ZNF821: variants seen among roughly 807,000 people sequenced by gnomAD.
ZNF821 encodes the protein zinc finger protein 821.
Under a neutral mutation model 44.3 loss-of-function variants are expected in ZNF821, and 16 were observed. The observed-to-expected ratio is 0.36, with a 90% confidence interval of 0.24 to 0.55. ZNF821 has a LOEUF of 0.55. Among genes scored for constraint, ZNF821 ranks in the 20% least tolerant of loss-of-function variants. The pLI is 0.86. For synonymous variants in ZNF821, 204 were observed against 197.6 expected (o/e 1.03, Z -0.27); for missense variants, 436 against 547.6 (o/e 0.80, Z 2.03).
intron 3 of ZNF821, among the ~76,000 whole-genome samples, chr16:71,873,666 T>C (rs1225674645): frequency 2.0e-5 from 3 of 152,122 alleles, no homozygotes; most frequent in African/African-American, 4.8e-5. Flanking sequence ...TATATATATA[T>C]TTTTTGAGAT....
chr16:71,876,868 G>A (rs1267623561), intron 3 of ZNF821, among the ~76,000 whole-genome samples: 1 of 152,154 alleles, frequency 6.6e-6, no homozygotes, highest in East Asian at 1.9e-4. Flanking sequence ...GCCTCCCAAA[G>A]TGTTGGGATT....
At chr16:71,891,995 CA>C (rs58554253) in intron 1 of ZNF821, among the ~76,000 whole-genome samples, 495 of 21,154 alleles carry the variant, frequency 0.023, 5 homozygotes, top group East Asian at 0.075. Flanking sequence ...GACTCCGTCT[CA>C]AAAAAAAAAA....
rs951784555 is a variant in ZNF821 at position 71,884,076 on chromosome 16, G to C, written c.-309C>G. ...CTCCGGGCCGAGCCGAGCCGGTGGCGGGGAGCCGAGGGGCGGCGCTGCAGA... is the reference window on the plus strand; with the variant it reads ...CTCCGGGCCGAGCCGAGCCGGTGGCCGGGAGCCGAGGGGCGGCGCTGCAGA... On this transcript the variant is annotated 5_prime_UTR_variant, in exon 1 of 8. Coordinates refer to ENST00000425432, the MANE Select transcript of ZNF821 (RefSeq NM_001201552.2). 6.6e-6 allele frequency: 1 copy of C among 152,250 alleles called. No individual in the cohort carries two copies. Among genetic ancestry groups the C allele is most frequent in the African/African-American group, 2.4e-5 (1 of 41,526 alleles). The allele number at this position is 152,250 out of a possible 1,614,324, so 9.4% of individuals were successfully genotyped here.
chr16:71,891,622 C>T (rs1255866294), intron 1 of ZNF821: 1 of 152,166 alleles, frequency 6.6e-6, no homozygotes, highest in Non-Finnish European at 1.5e-5. Flanking sequence ...GCCTGTAATC[C>T]TAGCACCCTG....
intron 3 of ZNF821, among the ~76,000 whole-genome samples, chr16:71,878,872 A>G (rs1374275532): frequency 1.3e-5 from 2 of 151,684 alleles, no homozygotes; most frequent in Non-Finnish European, 2.9e-5. Context: ...CCGATGTTGC[A>G]GAGATCACAC....
Position 71,860,426 on chromosome 16 carries a change from C to T in ZNF821, c.831G>A (p.Glu277=). ...CCCGCCGGCTCTTCTTGGCCGTGCGCTCTCGTTCCAGCCGCTGCAGCCGTA... is the reference window on the plus strand; with the variant it reads ...CCCGCCGGCTCTTCTTGGCCGTGCGTTCTCGTTCCAGCCGCTGCAGCCGTA... ...LEVRLQRLER[E]RTAKKSRRDN... Residue 277 remains glutamate (E), a synonymous_variant, in exon 8 of 8, where the codon GAG becomes GAA. Transcript: ENST00000425432. The surrounding 1 kb of genome is among the most constrained non-coding windows in gnomAD (Gnocchi z 7.3). 6.2e-7 allele frequency: 1 copy of T among 1,613,506 alleles called. No homozygotes were observed. Among genetic ancestry groups the T allele is most frequent in the Non-Finnish European group, 8.5e-7 (1 of 1,180,020 alleles).
chr16:71,881,239 A>G (rs1017596502), intron 2 of ZNF821: 4 of 152,112 alleles, frequency 2.6e-5, no homozygotes, highest in African/African-American at 9.7e-5. Flanking sequence ...ATGAAGACTC[A>G]CCTCCTGTTA....
chr16:71,864,197 A>G lies in ZNF821; in HGVS notation c.358T>C (p.Cys120Arg), dbSNP rs1489668936. The G allele has an allele frequency of 6.2e-6, 10 of 1,614,240 alleles. No individual in the cohort carries two copies. The highest frequency in any genetic ancestry group is 8.5e-6 in the Non-Finnish European group (10 of 1,180,042). The change falls in exon 6 of 8, where the codon TGT becomes CGT. Residue 120 changes from cysteine (C) to arginine (R), a missense_variant. Coordinates refer to ENST00000425432, the MANE Select transcript of ZNF821 (RefSeq NM_001201552.2). ...NSDPLLELCQ[C>R]PLCQLDCGSR... ...CCGCAGTCTAGCTGGCAGAGGGGAC[A>G]CTGGCAGAGTTCAAGCAAGGGGTCA...
In ZNF821 at chr16:71,861,960, G is replaced by C; in HGVS notation, c.418-18C>G. On this transcript the variant is annotated intron_variant, in intron 6 of 7. Transcript: ENST00000425432. ...GCAGTGTGCTGTAAAACAGAGCCTT[G>C]ATCTGTCAGTCTTGCGCTACCTCCA... is the stretch of plus-strand genomic sequence containing the variant. 2 of 1,612,436 alleles carry C rather than the reference G, an allele frequency of 1.2e-6. No individual in the cohort carries two copies. The highest frequency in any genetic ancestry group is 1.7e-6 in the Non-Finnish European group (2 of 1,178,526).
chr16:71,868,752 T>G (rs2034837211), intron 3 of ZNF821, among the ~76,000 whole-genome samples: 1 of 152,142 alleles, frequency 6.6e-6, no homozygotes, highest in African/African-American at 2.4e-5. Context: ...TCCAGTTTTT[T>G]TTTTTTTGAG....
intron 3 of ZNF821, among the ~76,000 whole-genome samples, chr16:71,870,448 G>A (rs570119100): frequency 2.8e-4 from 41 of 148,120 alleles, no homozygotes; most frequent in African/African-American, 9.6e-4. Flanking sequence ...CTCCATGCTG[G>A]TTACACTGCA....
intron 3 of ZNF821, among the ~76,000 whole-genome samples, chr16:71,872,845 C>T (rs180862788): frequency 6.6e-5 from 10 of 152,334 alleles, no homozygotes; most frequent in Non-Finnish European, 1.3e-4. Flanking sequence ...TCCTCCTTCT[C>T]TTTGTAAAGC....
At position 71,892,178 on chromosome 16, in the gene ZNF821, C is replaced by CAAAAAAAAAAAAAAAA. The variant is rs560376648; in HGVS notation, n.448+2695_448+2710dup. Reference sequence around the variant, plus strand: ...GGGCAACAAGAGAGAAACTCCGTCTCAAAAAAAAAAAAAAAAAAAAAAAAA... The same window carrying CAAAAAAAAAAAAAAAA: ...GGGCAACAAGAGAGAAACTCCGTCTCAAAAAAAAAAAAAAAAAAAAAAAAAAAAAAAAAAAAAAAAA... On this transcript the variant is annotated intron_variant and non_coding_transcript_variant, in intron 1 of 2. Coordinates refer to the ZNF821 transcript ENST00000561700. Among the ~76,000 whole-genome samples, 17 of 31,938 alleles carry CAAAAAAAAAAAAAAAA rather than the reference C, an allele frequency of 5.3e-4. 1 individual carries two copies. The highest frequency in any genetic ancestry group is 9.5e-4 in the African/African-American group (11 of 11,520). The allele number at this position is 31,938 out of a possible 152,430, so 21.0% of individuals were successfully genotyped here.
chr16:71,883,015 C>T, intron 2 of ZNF821, 196 bp downstream of exon 2: 1 of 431,730 alleles, frequency 2.3e-6, no homozygotes, highest in African/African-American at 2.0e-5. Context: ...TAAAGGGATT[C>T]CATTTTAAAA....
Position 71,859,961 on chromosome 16 carries a change from GT to G in ZNF821, c.*56del. ...GGCAGCAGCACTGGTCCTCGTGGCT[GT>G]GGGTGTGGGTGGGTGGGTAGGTAGG... On this transcript the variant is annotated 3_prime_UTR_variant, in exon 8 of 8. Transcript: ENST00000425432. 6.8e-7 allele frequency: 1 copy of G among 1,479,576 alleles called. No individual in the cohort carries two copies. Among genetic ancestry groups the G allele is most frequent in the Non-Finnish European group, 8.9e-7 (1 of 1,118,394 alleles). 91.7% of individuals were successfully genotyped at this position (1,479,576 alleles called of 1,614,324 possible). A position where few individuals can be genotyped will look rare whatever the true frequency, so the allele number is the denominator to read the frequency against.
intron 4 of ZNF821, 128 bp from the exon 5 acceptor site, chr16:71,865,176 T>G (rs1030105466): frequency 8.1e-7 from 1 of 1,242,138 alleles, no homozygotes; most frequent in Non-Finnish European, 1.1e-6. Context: ...TTTATATAGT[T>G]TTGTTGGGTA....
intron 3 of ZNF821, 21 bp from the exon 4 acceptor site, chr16:71,868,058 TAGTC>T (rs1567415517): frequency 1.3e-6 from 2 of 1,530,678 alleles, no homozygotes; most frequent in Non-Finnish European, 8.7e-7. Context: ...CAAGGAAAAA[TAGTC>T]AGGCCACCAG....
upstream of ZNF821, among the ~76,000 whole-genome samples, chr16:71,886,098 G>C (rs2036844802): frequency 6.6e-6 from 1 of 152,144 alleles, no homozygotes; most frequent in Admixed American, 6.5e-5. Flanking sequence ...ATGTAATGTT[G>C]GGCAGCTTAT....
Position 71,859,940 on chromosome 16 carries a change from G to T in ZNF821, c.*78C>A, listed in dbSNP as rs755754208. ...CAAGGACAGGGCCTCGTGGGTGGCA[G>T]CAGCACTGGTCCTCGTGGCTGTGGG... On this transcript the variant is annotated 3_prime_UTR_variant, in exon 8 of 8. Coordinates refer to ENST00000425432, the MANE Select transcript of ZNF821 (RefSeq NM_001201552.2). The T allele has an allele frequency of 1.3e-5, 18 of 1,421,008 alleles. No individual in the cohort carries two copies. The highest frequency in any genetic ancestry group is 2.6e-5 in the Admixed American group (1 of 38,278). 88.0% of individuals were successfully genotyped at this position (1,421,008 alleles called of 1,614,324 possible). A position where few individuals can be genotyped will look rare whatever the true frequency, so the allele number is the denominator to read the frequency against.
Sources: allele counts gnomAD v4.1 joint callset (sites outside exome capture counted in the v4.1 genomes callset), GRCh38; gene constraint gnomAD v4.1.1; non-coding constraint Gnocchi (gnomAD v3.1); transcripts MANE v1.5; gene names NCBI Gene and HGNC (gene_info 2026-07-23, HGNC 2026-07-21).